Variants in WDR20 observed in about 807,000 individuals in gnomAD.
WDR20 encodes the protein WD repeat domain 20, also known as WD repeat-containing protein 20.
A neutral mutation model predicts 38.7 loss-of-function variants in WDR20; 3 were observed. That is an observed-to-expected ratio of 0.08 (90% CI 0.04 to 0.20). The LOEUF (loss-of-function observed/expected upper bound fraction) is 0.20, where lower values mean the gene tolerates loss of function less well. WDR20 is among the 10% of genes least tolerant of loss of function. The pLI is 1.00. For synonymous variants in WDR20, 298 were observed against 285.6 expected (o/e 1.04, Z -0.44); for missense variants, 559 against 727.7 (o/e 0.77, Z 2.67).
At chr14:102,166,388 A>G (rs2059792923) in intron 1 of WDR20, among the ~76,000 whole-genome samples, 2 of 152,224 alleles carry the variant, frequency 1.3e-5, no homozygotes, top group African/African-American at 4.8e-5. Flanking sequence ...ACCATTCCAT[A>G]TCTTTTTAAA....
intron 2 of WDR20, chr14:102,197,759 CTT>C: frequency 1.4e-6 from 1 of 701,010 alleles, no homozygotes; most frequent in Non-Finnish European, 2.6e-6. Context: ...TTTTAGAACT[CTT>C]GTCAGCACTT....
intron 2 of WDR20, among the ~76,000 whole-genome samples, chr14:102,202,990 C>G (rs2060788299): frequency 6.6e-6 from 1 of 152,228 alleles, no homozygotes; most frequent in African/African-American, 2.4e-5. Flanking sequence ...ATCTTGCCCT[C>G]CACCCAGCCA....
chr14:102,140,659 A>G (rs1198005230), intron 1 of WDR20, among the ~76,000 whole-genome samples: 1 of 152,216 alleles, frequency 6.6e-6, no homozygotes, highest in Non-Finnish European at 1.5e-5. Context: ...AGACTAGGTC[A>G]GAAAGAACCT....
chr14:102,148,540 C>CA lies in WDR20; in HGVS notation c.249+8383dup, dbSNP rs57236717. Among the ~76,000 whole-genome samples, 263 of 131,678 alleles carry CA rather than the reference C, an allele frequency of 2.0e-3. 1 individual carries two copies. The highest frequency in any genetic ancestry group is 6.0e-3 in the African/African-American group (189 of 31,586). 86.4% of individuals were successfully genotyped at this position (131,678 alleles called of 152,430 possible). ...GGGTGACAGAGCTGAGACTCTGTCTCAAAAAAAAAAAAAAATCATAATCCT... is the reference window on the plus strand; with the variant it reads ...GGGTGACAGAGCTGAGACTCTGTCTCAAAAAAAAAAAAAAAATCATAATCCT... On this transcript the variant is annotated intron_variant, in intron 1 of 2. Transcript: ENST00000342702.
downstream of WDR20, among the ~76,000 whole-genome samples, chr14:102,218,935 C>CGGCCG (rs2063557769): frequency 6.6e-6 from 1 of 152,244 alleles, no homozygotes; most frequent in Admixed American, 6.5e-5. Flanking sequence ...GGTCCTCCGT[C>CGGCCG]GGCCGGGCCG....
chr14:102,158,818 G>T (rs576776568), intron 1 of WDR20, among the ~76,000 whole-genome samples: 25 of 152,094 alleles, frequency 1.6e-4, no homozygotes, highest in Admixed American at 1.3e-3. Context: ...TCACCTCCCC[G>T]ACTCGTTCGC....
At chr14:102,188,422 G>T (rs998161408) in intron 1 of WDR20, among the ~76,000 whole-genome samples, 1 of 152,176 alleles carries the variant, frequency 6.6e-6, no homozygotes, top group Non-Finnish European at 1.5e-5. Context: ...GAGTGGGCAG[G>T]CAGGGCTATG....
At chr14:102,154,921 A>G (rs1186748332) in intron 1 of WDR20, among the ~76,000 whole-genome samples, 1 of 152,230 alleles carries the variant, frequency 6.6e-6, no homozygotes, top group Non-Finnish European at 1.5e-5. Flanking sequence ...ATTCAAGGAC[A>G]TAGATAATAA....
chr14:102,212,466 G>A (rs552267967), downstream of WDR20: 20 of 1,531,508 alleles, frequency 1.3e-5, no homozygotes, highest in African/African-American at 6.8e-5. Flanking sequence ...CCTGCAGGGC[G>A]ACACCACTCT....
In WDR20 at chr14:102,209,246, A is replaced by G. The variant is rs2062094861; in HGVS notation, c.1076A>G (p.Asp359Gly). 2 of 1,614,194 alleles carry G rather than the reference A, an allele frequency of 1.2e-6. No homozygotes were observed. Among genetic ancestry groups the G allele is most frequent in the Non-Finnish European group, 8.5e-7 (1 of 1,180,050 alleles). Residue 359 changes from aspartate to glycine, a missense_variant, in exon 3 of 3, where the codon GAC (aspartate) becomes GGC (glycine). By Grantham distance (94) the Asp-to-Gly change is moderately conservative. Transcript: ENST00000342702. This position sits in a 1 kb window ranked among gnomAD's most constrained non-coding sequence, Gnocchi z 6.0. Reference protein sequence around the residue: ...QSRLSKRNSTDSRPVSVTYRF... With the variant: ...QSRLSKRNSTGSRPVSVTYRF... ...AGGCTCTCCAAACGGAACTCTACAG[A>G]CAGCCGCCCCGTAAGTGTCACGTAT... is the stretch of plus-strand genomic sequence containing the variant.
At chr14:102,211,254 C>T (rs1490833352), downstream of WDR20, among the ~76,000 whole-genome samples, 1 of 152,002 alleles carries the variant, frequency 6.6e-6, no homozygotes, top group Non-Finnish European at 1.5e-5. The surrounding 1 kb of genome is among the most constrained non-coding windows in gnomAD (Gnocchi z 4.2). Context: ...ATAGAGACAA[C>T]GATCACTTAG....
At chr14:102,200,462 TTTTTTTGTGTGTGTGTGTGTGTG>T (rs1567022896) in intron 2 of WDR20, among the ~76,000 whole-genome samples, 1 of 97,866 alleles carries the variant, frequency 1.0e-5, no homozygotes, top group African/African-American at 4.2e-5. Context: ...TTTAAATTTT[TTTTTTTGTGTGTGTGTGTGTGTG>T]TGTGTGTGTG....
rs1035259071 is a variant in WDR20 at position 102,221,421 on chromosome 14, CAG to C, written c.1693-1407_1693-1406del. ...TCCTGTGTGAGAGGCTTCCTTCCTCCAGACTGTCTGCGGCAGAAGTGGGGTCA... is the reference window on the plus strand; with the variant it reads ...TCCTGTGTGAGAGGCTTCCTTCCTCCACTGTCTGCGGCAGAAGTGGGGTCA... On this transcript the variant is annotated intron_variant, in intron 3 of 3. Coordinates refer to the WDR20 transcript ENST00000335263. This position sits in a 1 kb window ranked among gnomAD's most constrained non-coding sequence, Gnocchi z 4.8. Among the ~76,000 whole-genome samples the C allele has an allele frequency of 2.6e-5, 4 of 152,210 alleles. No individual in the cohort carries two copies. Among genetic ancestry groups the C allele is most frequent in the African/African-American group, 9.6e-5 (4 of 41,452 alleles).
intron 2 of WDR20, among the ~76,000 whole-genome samples, chr14:102,205,802 C>T (rs1212624122): frequency 6.7e-6 from 1 of 148,778 alleles, no homozygotes; most frequent in Non-Finnish European, 1.5e-5. Flanking sequence ...GATCCAAGGT[C>T]GGTTTTTTTT....
chr14:102,209,554 G>T lies in WDR20; in HGVS notation c.1384G>T (p.Ala462Ser), dbSNP rs2062157929. The T allele has an allele frequency of 6.2e-7, 1 of 1,614,060 alleles. No individual in the cohort carries two copies. The highest frequency in any genetic ancestry group is 8.5e-7 in the Non-Finnish European group (1 of 1,180,048). The change falls in exon 3 of 3, where the codon GCA (alanine) becomes TCA (serine). Residue 462 changes from alanine (A) to serine (S), a missense_variant. Physicochemically the swap from Ala to Ser is moderately conservative, Grantham distance 99. Transcript: ENST00000342702. The surrounding 1 kb of genome is among the most constrained non-coding windows in gnomAD (Gnocchi z 6.0). ...GAIASGVSKF[A>S]TLSLHDRKER... is the part of the protein sequence containing the mutation. ...CATTGCTTCTGGGGTCAGCAAATTT[G>T]CAACACTTTCACTACATGACCGGAA...
intron 1 of WDR20, chr14:102,193,336 G>C: frequency 2.2e-6 from 2 of 898,686 alleles, no homozygotes; most frequent in Non-Finnish European, 3.5e-6. Context: ...GCTGTACAGC[G>C]GCCGCTCCCC....
exon 4 of WDR20, chr14:102,223,611 TTCA>T (rs1232264325): frequency 7.2e-5 from 11 of 152,650 alleles, no homozygotes; most frequent in Non-Finnish European, 5.9e-5. Flanking sequence ...ACTAGTAATT[TTCA>T]TCATTTAAGA....
chr14:102,213,862 G>T (rs191309117), downstream of WDR20: 93 of 985,482 alleles, frequency 9.4e-5, 1 homozygote, highest in East Asian at 8.5e-3. Context: ...GCTGGAGAAG[G>T]GATCCACGGA....
chr14:102,156,203 T>C (rs1236872415), intron 1 of WDR20, among the ~76,000 whole-genome samples: 1 of 151,522 alleles, frequency 6.6e-6, no homozygotes, highest in Non-Finnish European at 1.5e-5. Context: ...AGTCTTGGTC[T>C]GTGCCCCAGG....
Sources: gnomAD v4.1 joint callset for allele counts (sites outside exome capture counted in the v4.1 genomes callset) on GRCh38, gnomAD v4.1.1 for gene constraint, Gnocchi (gnomAD v3.1) non-coding constraint, MANE v1.5 for transcripts, NCBI Gene and HGNC (gene_info 2026-07-23, HGNC 2026-07-21) for gene names.